Variants in TENM2 observed in about 807,000 individuals in gnomAD.
TENM2 encodes the protein teneurin-2.
TENM2 carries 52 observed loss-of-function variants against 245.2 expected under a neutral mutation model. The observed-to-expected ratio is 0.21, with a 90% CI of 0.17 to 0.27. The LOEUF (loss-of-function observed/expected upper bound fraction) is 0.27, where lower values mean the gene tolerates loss of function less well. Ranked by LOEUF, TENM2 falls within the 10% of genes least tolerant of loss-of-function variation. The probability of loss-of-function intolerance (pLI) is 1.00; values close to 1 mark genes in which losing one functional copy is unlikely to be tolerated. For missense variants in TENM2, 3,046 were observed against 3,666.8 expected, an observed-to-expected ratio of 0.83 and a Z score of 4.37; for synonymous variants, 1,363 against 1,438.9, an observed-to-expected ratio of 0.95 and a Z score of 1.19.
chr5:168,178,706 G>A (rs989043766), intron 13 of TENM2, among the ~76,000 whole-genome samples: 1 of 152,230 alleles, frequency 6.6e-6, no homozygotes, highest in Non-Finnish European at 1.5e-5. Context: ...TGAAGCTTCA[G>A]TATTTCCCTT....
At chr5:167,435,624 A>G (rs1422706564) in intron 2 of TENM2, among the ~76,000 whole-genome samples, 1 of 152,234 alleles carries the variant, frequency 6.6e-6, no homozygotes, top group Non-Finnish European at 1.5e-5. Context: ...TGCTGAAAAG[A>G]TACCTGAAAA....
At chr5:167,580,108 G>C (rs886263706) in intron 2 of TENM2, among the ~76,000 whole-genome samples, 1 of 152,122 alleles carries the variant, frequency 6.6e-6, no homozygotes, top group African/African-American at 2.4e-5. Flanking sequence ...GATTATCCAG[G>C]GTTTGAATTT....
intron 2 of TENM2, among the ~76,000 whole-genome samples, chr5:167,747,566 G>C (rs1451785908): frequency 1.3e-5 from 2 of 152,086 alleles, no homozygotes; most frequent in East Asian, 3.9e-4. Context: ...GAATACTTTT[G>C]CCACATTTCG....
Position 167,627,208 on chromosome 5 carries a change from G to A in TENM2, c.503-248778G>A, listed in dbSNP as rs1446166599. 3.9e-5 allele frequency among the ~76,000 whole-genome samples: 6 copies of A among 152,150 alleles called. No individual in the cohort carries two copies. The East Asian group carries it at 9.6e-4, about 24-fold the overall frequency. ...ATCCATAGATAATGGATTGAATTCA[G>A]TGCAATTACCCTAGTAAGTAAGGCT... On this transcript the variant is annotated intron_variant, in intron 2 of 28. Coordinates refer to ENST00000518659, the Ensembl canonical transcript of TENM2.
chr5:168,039,608 G>A lies in TENM2; in HGVS notation c.1187-7819G>A, dbSNP rs143478529. Among the ~76,000 whole-genome samples the A allele has an allele frequency of 2.3e-3, 355 of 152,204 alleles. 1 individual carries two copies. Among genetic ancestry groups the A allele is most frequent in the African/African-American group, 7.8e-3 (323 of 41,522 alleles). ...GGTCTGCGGTGGGAAACGACACTCT[G>A]TGCGGCTAATGGCTCCAGGCTTGTG... is the stretch of plus-strand genomic sequence containing the variant. On this transcript the variant is annotated intron_variant, in intron 5 of 28. Coordinates refer to ENST00000518659, the Ensembl canonical transcript of TENM2.
chr5:167,585,741 T>C (rs989788260), intron 2 of TENM2, among the ~76,000 whole-genome samples: 2 of 152,154 alleles, frequency 1.3e-5, no homozygotes, highest in Non-Finnish European at 2.9e-5. Flanking sequence ...TAATAAAATT[T>C]TTATTTTAAT....
At chr5:167,080,922 T>C in the TENM2 span, among the ~76,000 whole-genome samples, 1 of 152,056 alleles carries the variant, frequency 6.6e-6, no homozygotes, top group African/African-American at 2.4e-5. Flanking sequence ...TTAATAGTGG[T>C]TATTTCTGGA....
At chr5:168,115,359 G>T (rs904134576) in intron 9 of TENM2, among the ~76,000 whole-genome samples, 1 of 71,598 alleles carries the variant, frequency 1.4e-5, no homozygotes, top group Non-Finnish European at 2.5e-5. Context: ...AGGGAAGGAA[G>T]GGAAGGAAGG....
At chr5:167,464,061 T>G (rs970566085) in intron 2 of TENM2, among the ~76,000 whole-genome samples, 1 of 152,160 alleles carries the variant, frequency 6.6e-6, no homozygotes. Flanking sequence ...CACTGCTGAA[T>G]AAATGGGAAC....
chr5:167,858,801 G>A (rs1411729807), intron 2 of TENM2, among the ~76,000 whole-genome samples: 1 of 149,532 alleles, frequency 6.7e-6, no homozygotes, highest in Non-Finnish European at 1.5e-5. Flanking sequence ...CTTTGCCGCC[G>A]CGCCGGCGAG....
the TENM2 span, among the ~76,000 whole-genome samples, chr5:167,188,501 GA>G: frequency 6.6e-6 from 1 of 152,034 alleles, no homozygotes; most frequent in African/African-American, 2.4e-5. Context: ...AAAATTATAG[GA>G]AACCCTTCAC....
At chr5:167,923,324 GAA>G (rs5873074) in intron 3 of TENM2, among the ~76,000 whole-genome samples, 21 of 136,768 alleles carry the variant, frequency 1.5e-4, no homozygotes, top group African/African-American at 3.6e-4. Context: ...CTCCAAAAAA[GAA>G]AAAAAAAAAA....
At chr5:167,848,454 C>T (rs1770257041) in intron 2 of TENM2, among the ~76,000 whole-genome samples, 2 of 152,008 alleles carry the variant, frequency 1.3e-5, no homozygotes, top group Non-Finnish European at 2.9e-5. Context: ...ATATATAAAA[C>T]ATATTATATA....
At chr5:166,980,122 C>T in the TENM2 span, among the ~76,000 whole-genome samples, 2 of 152,140 alleles carry the variant, frequency 1.3e-5, no homozygotes, top group African/African-American at 2.4e-5. Flanking sequence ...TAATAGACAC[C>T]ACTACCCATG....
intron 3 of TENM2, among the ~76,000 whole-genome samples, chr5:167,930,127 T>C (rs1778163680): frequency 1.3e-5 from 2 of 152,212 alleles, no homozygotes; most frequent in African/African-American, 2.4e-5. Context: ...TTTTACTTTC[T>C]TCCAGAGCAG....
chr5:168,052,229 T>C (rs1440581845), intron 6 of TENM2, among the ~76,000 whole-genome samples: 1 of 151,344 alleles, frequency 6.6e-6, no homozygotes, highest in African/African-American at 2.4e-5. Flanking sequence ...CTACTAAAAA[T>C]ACAAAAAAAA....
intron 20 of TENM2, chr5:168,214,776 G>T (rs144913942): frequency 1.8e-6 from 1 of 553,512 alleles, no homozygotes; most frequent in Non-Finnish European, 3.4e-6. Context: ...GGGAGCTCTC[G>T]TACTGGCTAA....
At chr5:167,068,759 T>A in the TENM2 span, among the ~76,000 whole-genome samples, 21 of 152,336 alleles carry the variant, frequency 1.4e-4, no homozygotes, top group Admixed American at 2.6e-4. Context: ...ATTAGTTGAC[T>A]GGTTTTGGTA....
intron 9 of TENM2, among the ~76,000 whole-genome samples, chr5:168,118,030 G>A (rs1028085048): frequency 6.6e-6 from 1 of 152,214 alleles, no homozygotes; most frequent in African/African-American, 2.4e-5. Flanking sequence ...TGATTACGAT[G>A]ATGAAGTCAT....
Sources: gnomAD v4.1 joint callset for allele counts (sites outside exome capture counted in the v4.1 genomes callset) on GRCh38, gnomAD v4.1.1 for gene constraint, MANE v1.5 for transcripts, NCBI Gene and HGNC (gene_info 2026-07-23, HGNC 2026-07-21) for gene names.